DTD1: variants seen among roughly 807,000 people sequenced by gnomAD.
DTD1 encodes D-tyrosyl-tRNA deacylase 1 homolog.
Under a neutral mutation model 25.6 loss-of-function variants are expected in DTD1, and 13 were observed. The observed-to-expected ratio is 0.51, with a 90% CI of 0.33 to 0.81. The LOEUF (loss-of-function observed/expected upper bound fraction) is 0.81. DTD1 is among the 30% of genes least tolerant of loss of function. The pLI is 0.02. For synonymous variants in DTD1, 110 were observed against 103.6 expected, an observed-to-expected ratio of 1.06 and a Z score of -0.37; for missense variants, 193 against 266.4, an observed-to-expected ratio of 0.72 and a Z score of 1.92.
At chr20:18,700,935 C>T (rs939886020) in intron 4 of DTD1, among the ~76,000 whole-genome samples, 62 of 152,280 alleles carry the variant, frequency 4.1e-4, no homozygotes, top group Non-Finnish European at 6.6e-4. Flanking sequence ...ATCAGAGTAG[C>T]GCCTGACTCT....
intron 5 of DTD1, among the ~76,000 whole-genome samples, chr20:18,751,806 G>A (rs1383751184): frequency 6.6e-6 from 1 of 151,342 alleles, no homozygotes; most frequent in Non-Finnish European, 1.5e-5. Flanking sequence ...TGTTTTTGAA[G>A]GATAATTTTG....
At chr20:18,691,384 G>A (rs1282937307) in intron 4 of DTD1, among the ~76,000 whole-genome samples, 1 of 152,150 alleles carries the variant, frequency 6.6e-6, no homozygotes, top group East Asian at 1.9e-4. Flanking sequence ...ATCAGCAGTG[G>A]ACACATAAAG....
rs891467399 is a variant in DTD1, at chr20:18,741,334, C to G, written c.478-2766C>G. On this transcript the variant is annotated intron_variant, in intron 4 of 5. Transcript: ENST00000377452. ...AGAGCTCACAGTTGAGAAGAAATCT[C>G]TCACAATACTTTGCTGATGAAGGAA... Among the ~76,000 whole-genome samples the G allele has an allele frequency of 2.4e-4, 36 of 152,172 alleles. 1 individual carries two copies. The highest frequency in any genetic ancestry group is 8.4e-4 in the African/African-American group (35 of 41,428).
rs200436210 is a variant in DTD1, at chr20:18,628,131, C to G, written c.375C>G (p.Gly125=). Residue 125 remains glycine (G), a synonymous_variant, in exon 4 of 6, where the codon GGC becomes GGG. Transcript: ENST00000377452. ...CTGTTTGGATTGCTTTTTCAGATGGCAAGTTTGGGGCCTACATGCAGGTGC... is the reference window on the plus strand; with the variant it reads ...CTGTTTGGATTGCTTTTTCAGATGGGAAGTTTGGGGCCTACATGCAGGTGC... The part of the protein sequence containing the change: ...KTYRPELIKD[G]KFGAYMQVHI... 1.1e-5 allele frequency: 17 copies of G among 1,612,800 alleles called. No individual in the cohort carries two copies. Among genetic ancestry groups the G allele is most frequent in the Admixed American group, 5.0e-5 (3 of 59,900 alleles).
chr20:18,680,660 T>A (rs1185482386), intron 4 of DTD1, among the ~76,000 whole-genome samples: 1 of 152,136 alleles, frequency 6.6e-6, no homozygotes, highest in Non-Finnish European at 1.5e-5. Flanking sequence ...TGTGGGGTGC[T>A]CACTCCTGTG....
intron 4 of DTD1, among the ~76,000 whole-genome samples, chr20:18,689,695 A>G (rs958031758): frequency 6.6e-6 from 1 of 152,102 alleles, no homozygotes; most frequent in Non-Finnish European, 1.5e-5. Context: ...CTAGACCAGC[A>G]CTGTCCAATA....
At chr20:18,626,465 A>G (rs1410123540) in intron 3 of DTD1, among the ~76,000 whole-genome samples, 1 of 152,210 alleles carries the variant, frequency 6.6e-6, no homozygotes, top group Non-Finnish European at 1.5e-5. Context: ...AAGCGTGTCT[A>G]ACATGTGCTT....
At chr20:18,680,541 T>C (rs6136468) in intron 4 of DTD1, among the ~76,000 whole-genome samples, 54,701 of 151,318 alleles carry the variant, frequency 0.36, 10,214 homozygotes, top group Non-Finnish European at 0.41. Context: ...TGTGCCTGGA[T>C]TGAACACCTA....
chr20:18,694,031 G>A (rs1392815389), intron 4 of DTD1, among the ~76,000 whole-genome samples: 1 of 152,178 alleles, frequency 6.6e-6, no homozygotes, highest in African/African-American at 2.4e-5. Flanking sequence ...AGTCTCCATC[G>A]CATTGAAGGT....
chr20:18,691,864 T>TG (rs1189792208), intron 4 of DTD1: 2 of 152,202 alleles, frequency 1.3e-5, no homozygotes, highest in African/African-American at 4.8e-5. Context: ...TGCCTGCATC[T>TG]GGGGTGCATG....
chr20:18,621,687 A>G lies in DTD1; in HGVS notation c.371-6440A>G, dbSNP rs368752000. ...ATTCTTAAATGATCTGTGTATGCTA[A>G]AATGGCTGGGTGAATCTCATTATCT... On this transcript the variant is annotated intron_variant, in intron 3 of 5. Transcript: ENST00000377452. Among the ~76,000 whole-genome samples, 151 of 152,330 alleles carry G rather than the reference A, an allele frequency of 9.9e-4. 3 individuals carry two copies. In the South Asian group the frequency reaches 0.031, roughly 31 times the overall value.
chr20:18,611,783 C>G (rs1368923472), intron 3 of DTD1, among the ~76,000 whole-genome samples: 2 of 152,110 alleles, frequency 1.3e-5, no homozygotes, highest in Non-Finnish European at 2.9e-5. Flanking sequence ...TTCACTTGTT[C>G]TGTATACAGT....
At chr20:18,598,291 CT>C (rs1264913566) in intron 3 of DTD1, among the ~76,000 whole-genome samples, 2 of 152,132 alleles carry the variant, frequency 1.3e-5, no homozygotes, top group Non-Finnish European at 2.9e-5. Context: ...ATCCATGTCC[CT>C]GCAAAGGACG....
At chr20:18,750,746 A>G in intron 5 of DTD1, among the ~76,000 whole-genome samples, 1 of 152,172 alleles carries the variant, frequency 6.6e-6, no homozygotes, top group Admixed American at 6.5e-5. Context: ...GTGAGGATGC[A>G]GCTCTATTAT....
chr20:18,694,468 G>A (rs1473219733), intron 4 of DTD1, among the ~76,000 whole-genome samples: 1 of 152,144 alleles, frequency 6.6e-6, no homozygotes, highest in East Asian at 1.9e-4. Context: ...CCAGAGCATT[G>A]GTGAGGGCTC....
At chr20:18,671,629 T>C (rs928478684) in intron 4 of DTD1, among the ~76,000 whole-genome samples, 1 of 152,268 alleles carries the variant, frequency 6.6e-6, no homozygotes, top group African/African-American at 2.4e-5. Context: ...TAATTGGTTG[T>C]TGTTAGAGCA....
rs953224687 is a variant in DTD1, at chr20:18,632,040, C to T, written c.477+3807C>T. The T allele has an allele frequency of 4.7e-5, 40 of 851,598 alleles. No homozygotes were observed. In the African/African-American group the frequency reaches 6.3e-4, roughly 13 times the overall value. The allele number at this position is 851,598 out of a possible 1,614,324, so 52.8% of individuals were successfully genotyped here. On this transcript the variant is annotated intron_variant, in intron 4 of 5. Coordinates refer to ENST00000377452, the MANE Select transcript of DTD1 (RefSeq NM_080820.6). ...TAGATTTAGGAATTCTCAGCACACA[C>T]AGAATAAAGGACGGTAACTGTGTGA...
chr20:18,701,709 T>C (rs2122459968), intron 4 of DTD1, among the ~76,000 whole-genome samples: 1 of 152,358 alleles, frequency 6.6e-6, no homozygotes, highest in East Asian at 1.9e-4. Context: ...AAATGAGCAC[T>C]GGACTTGCCC....
chr20:18,762,921 T>G (rs2061368453), intron 5 of DTD1, among the ~76,000 whole-genome samples: 1 of 152,184 alleles, frequency 6.6e-6, no homozygotes, highest in Non-Finnish European at 1.5e-5. Flanking sequence ...GAAACCCAGA[T>G]TATTGATTTG....
Sources: allele counts gnomAD v4.1 joint callset (sites outside exome capture counted in the v4.1 genomes callset), GRCh38; gene constraint gnomAD v4.1.1; transcripts MANE v1.5; gene names NCBI Gene and HGNC (gene_info 2026-07-23, HGNC 2026-07-21).